STK32A: variants seen among roughly 807,000 people sequenced by gnomAD.
STK32A encodes the protein serine/threonine kinase 32A.
A neutral mutation model predicts 53.2 loss-of-function variants in STK32A; 41 were observed. The observed-to-expected ratio is 0.77, with a 90% CI of 0.60 to 1.00. The LOEUF (loss-of-function observed/expected upper bound fraction) is 1.00. Ranked by LOEUF, STK32A falls within the 50% of genes least tolerant of loss-of-function variation. The pLI, the probability that STK32A is intolerant of heterozygous loss-of-function variation, is 0.00. For missense variants in STK32A, 458 were observed against 485.8 expected (o/e 0.94, Z 0.54); for synonymous variants, 166 against 162.8 (o/e 1.02, Z -0.15).
intron 1 of STK32A, among the ~76,000 whole-genome samples, chr5:147,238,184 C>T (rs1246466416): frequency 1.3e-5 from 2 of 152,186 alleles, no homozygotes; most frequent in Admixed American, 1.3e-4. Flanking sequence ...GACCTTTACC[C>T]CATTTGGGGG....
At chr5:147,300,825 C>T (rs1459020169) in intron 4 of STK32A, among the ~76,000 whole-genome samples, 1 of 152,176 alleles carries the variant, frequency 6.6e-6, no homozygotes, top group African/African-American at 2.4e-5. Context: ...AACAGGAATA[C>T]TCATGTCAGT....
intron 5 of STK32A, among the ~76,000 whole-genome samples, chr5:147,330,374 T>C (rs1754807662): frequency 6.6e-6 from 1 of 152,206 alleles, no homozygotes; most frequent in Non-Finnish European, 1.5e-5. Context: ...TATATAACAT[T>C]GTAACATAAC....
At chr5:147,236,726 G>T (rs1753340079) in intron 1 of STK32A, among the ~76,000 whole-genome samples, 1 of 152,080 alleles carries the variant, frequency 6.6e-6, no homozygotes, top group Admixed American at 6.5e-5. Context: ...AAATCACTTG[G>T]TCCGTGGTGA....
At chr5:147,393,429 T>A in the STK32A span, 1 of 152,330 alleles carries the variant, frequency 6.6e-6, no homozygotes, top group Non-Finnish European at 1.5e-5. Flanking sequence ...GTAGGGGACG[T>A]GACAAAGAAC....
intron 4 of STK32A, among the ~76,000 whole-genome samples, chr5:147,307,248 T>C (rs1009679687): frequency 1.3e-5 from 2 of 152,044 alleles, no homozygotes; most frequent in African/African-American, 4.8e-5. Context: ...TTTTTAACAA[T>C]AAAAAATGTT....
chr5:147,387,956 T>C (rs952568939), downstream of STK32A: 4 of 152,236 alleles, frequency 2.6e-5, no homozygotes, highest in African/African-American at 9.7e-5. Flanking sequence ...CCCGTTCTTA[T>C]GTCTATTTCC....
At chr5:147,343,982 G>A (rs1024540084) in intron 6 of STK32A, among the ~76,000 whole-genome samples, 4 of 152,224 alleles carry the variant, frequency 2.6e-5, no homozygotes, top group East Asian at 1.9e-4. Context: ...AAATGTGTAC[G>A]ATTTCTTCCT....
At chr5:147,398,996 G>T in the STK32A span, 1 of 1,526,330 alleles carries the variant, frequency 6.6e-7, no homozygotes, top group Non-Finnish European at 8.8e-7. Context: ...TAACTACCCT[G>T]GCACACCACA....
chr5:147,310,776 G>A lies in STK32A; in HGVS notation c.261-13122G>A, dbSNP rs185360123. Reference sequence around the variant, plus strand: ...GTCTTGGCTTGCCCTTTTATATGGAGAGCAAAATGTTGTTATTCCCCTTTG... The same window carrying A: ...GTCTTGGCTTGCCCTTTTATATGGAAAGCAAAATGTTGTTATTCCCCTTTG... On this transcript the variant is annotated intron_variant, in intron 4 of 12. Transcript: ENST00000397936. Among the ~76,000 whole-genome samples, 630 of 143,080 alleles carry A rather than the reference G, an allele frequency of 4.4e-3. 4 individuals are homozygous for A. Among genetic ancestry groups the A allele is most frequent in the Non-Finnish European group, 7.0e-3 (448 of 64,380 alleles). The allele number at this position is 143,080 out of a possible 152,430, so 93.9% of individuals were successfully genotyped here.
At chr5:147,395,445 G>A in the STK32A span, 2 of 1,329,630 alleles carry the variant, frequency 1.5e-6, no homozygotes, top group Non-Finnish European at 2.1e-6. Flanking sequence ...GTTGACACCA[G>A]TGCTAGGCTG....
intron 6 of STK32A, among the ~76,000 whole-genome samples, chr5:147,344,465 C>T (rs190167196): frequency 3.5e-4 from 53 of 152,284 alleles, no homozygotes; most frequent in African/African-American, 8.7e-4. Context: ...ATGAAGGTGA[C>T]TTTCTTTAAA....
chr5:147,343,237 A>C (rs917345210), intron 6 of STK32A, 194 bp downstream of exon 6: 3 of 754,590 alleles, frequency 4.0e-6, no homozygotes, highest in Non-Finnish European at 7.3e-6. Flanking sequence ...TACACCCTTA[A>C]ATCACATTGA....
At chr5:147,266,958 G>T (rs1581014207) in intron 2 of STK32A, among the ~76,000 whole-genome samples, 1 of 151,878 alleles carries the variant, frequency 6.6e-6, no homozygotes, top group Non-Finnish European at 1.5e-5. Context: ...GGGAGGCAGA[G>T]GTTGTGGTGA....
intron 5 of STK32A, among the ~76,000 whole-genome samples, chr5:147,327,740 C>T (rs904379222): frequency 6.6e-6 from 1 of 152,228 alleles, no homozygotes; most frequent in Non-Finnish European, 1.5e-5. Flanking sequence ...TGAAAAATTA[C>T]TTGCCCAAGT....
intron 7 of STK32A, among the ~76,000 whole-genome samples, chr5:147,358,923 A>T (rs796712345): frequency 1.9e-4 from 29 of 152,356 alleles, no homozygotes; most frequent in African/African-American, 6.0e-4. Context: ...CATAAAATTT[A>T]GCACAGTGAC....
chr5:147,337,472 G>A (rs920770156), intron 5 of STK32A, among the ~76,000 whole-genome samples: 3 of 152,076 alleles, frequency 2.0e-5, no homozygotes, highest in East Asian at 1.9e-4. Flanking sequence ...TTGGGGGTGG[G>A]GATTGGTTGT....
At chr5:147,236,753 A>G (rs1248326854) in intron 1 of STK32A, among the ~76,000 whole-genome samples, 1 of 152,170 alleles carries the variant, frequency 6.6e-6, no homozygotes. Context: ...TTGTGTGCAC[A>G]TCAGAATGAA....
intron 7 of STK32A, among the ~76,000 whole-genome samples, chr5:147,356,583 C>A (rs1000567708): frequency 2.6e-5 from 4 of 152,144 alleles, no homozygotes; most frequent in Middle Eastern, 3.4e-3. Context: ...CATGCCTCTG[C>A]TAAAATAGAA....
chr5:147,290,466 T>C (rs1441324253), intron 4 of STK32A, among the ~76,000 whole-genome samples: 2 of 152,156 alleles, frequency 1.3e-5, no homozygotes, highest in Non-Finnish European at 2.9e-5. Flanking sequence ...CTGAGGGCTC[T>C]TCACAAAGCC....
Sources: allele counts gnomAD v4.1 joint callset (sites outside exome capture counted in the v4.1 genomes callset), GRCh38; gene constraint gnomAD v4.1.1; transcripts MANE v1.5; gene names NCBI Gene and HGNC (gene_info 2026-07-23, HGNC 2026-07-21).